The following FKTN variants were observed in gnomAD, a reference collection of about 807,000 sequenced individuals.
FKTN encodes fukutin.
In FKTN, 47 loss-of-function variants were observed where a neutral mutation model predicts 58.6. The ratio of observed to expected loss-of-function variants is 0.80; its 90% confidence interval spans 0.63 to 1.02. The LOEUF is 1.02. FKTN is among the 50% of genes least tolerant of loss of function. The pLI, the probability that FKTN is intolerant of heterozygous loss-of-function variation, is 0.00. For missense variants in FKTN, 516 were observed against 537.3 expected (o/e 0.96, Z 0.39); for synonymous variants, 178 against 191.9 (o/e 0.93, Z 0.60).
intron 1 of FKTN, among the ~76,000 whole-genome samples, chr9:105,558,821 A>C (rs1162911403): frequency 6.6e-6 from 1 of 152,210 alleles, no homozygotes; most frequent in Non-Finnish European, 1.5e-5. Context: ...TCTGAGGATA[A>C]ATAGGGTTTG....
chr9:105,567,158 A>G (rs145751474), intron 1 of FKTN, among the ~76,000 whole-genome samples: 1,630 of 152,340 alleles, frequency 0.011, 16 homozygotes, highest in Non-Finnish European at 0.015. Context: ...CAAAATAATA[A>G]GAGCCGTTTA....
chr9:105,615,719 C>T (rs1424489825), intron 8 of FKTN, among the ~76,000 whole-genome samples: 2 of 152,168 alleles, frequency 1.3e-5, no homozygotes. Flanking sequence ...TCCAAGACCA[C>T]CAGTGGATGC....
At chr9:105,572,242 A>T (rs573222992) in intron 1 of FKTN, among the ~76,000 whole-genome samples, 8 of 151,638 alleles carry the variant, frequency 5.3e-5, no homozygotes, top group African/African-American at 1.7e-4. Context: ...ATATATATAT[A>T]TATATATATT....
intron 3 of FKTN, among the ~76,000 whole-genome samples, chr9:105,591,943 T>C (rs528170513): frequency 1.3e-5 from 2 of 152,322 alleles, no homozygotes; most frequent in South Asian, 4.1e-4. Context: ...GCTATACCTG[T>C]GCCCCCTTGA....
At chr9:105,620,775 A>ATAG (rs58977246) in intron 10 of FKTN, among the ~76,000 whole-genome samples, 21,673 of 145,262 alleles carry the variant, frequency 0.15, 1,728 homozygotes, top group African/African-American at 0.22. Context: ...TAATACTACT[A>ATAG]TAGTAGTAGT....
chr9:105,581,903 A>G (rs1348886377), intron 3 of FKTN, among the ~76,000 whole-genome samples: 2 of 152,084 alleles, frequency 1.3e-5, no homozygotes, highest in African/African-American at 2.4e-5. Context: ...GAAAAGCGCA[A>G]TATTCGGGTG....
intron 3 of FKTN, among the ~76,000 whole-genome samples, chr9:105,578,241 T>A (rs1174082907): frequency 2.7e-5 from 4 of 149,950 alleles, no homozygotes; most frequent in South Asian, 2.2e-4. Context: ...CATCCCTGTC[T>A]TGTGCCAGTT....
chr9:105,637,104 T>C lies in FKTN; in HGVS notation c.*1840T>C, dbSNP rs1588324194. The C allele has an allele frequency of 1.0e-6, 1 of 987,162 alleles. No homozygotes were observed. The highest frequency in any genetic ancestry group is 1.2e-6 in the Non-Finnish European group (1 of 830,334). The allele number at this position is 987,162 out of a possible 1,614,324, so 61.2% of individuals were successfully genotyped here. ...TAAATAGCTGACCCTAAATTCATTT[T>C]TCATGCTTAAAAATAATAGAACAAA... On this transcript the variant is annotated 3_prime_UTR_variant, in exon 11 of 11. Coordinates refer to ENST00000357998, the MANE Select transcript of FKTN (RefSeq NM_001079802.2).
At chr9:105,618,900 A>C (rs1409650360) in intron 9 of FKTN, among the ~76,000 whole-genome samples, 1 of 152,136 alleles carries the variant, frequency 6.6e-6, no homozygotes, top group Non-Finnish European at 1.5e-5. Context: ...TACTAAAAAT[A>C]CAAAAAAAAT....
At chr9:105,610,513 T>C (rs949842553) in intron 7 of FKTN, among the ~76,000 whole-genome samples, 10 of 152,042 alleles carry the variant, frequency 6.6e-5, no homozygotes, top group Non-Finnish European at 1.3e-4. Context: ...TCTCCCTGTA[T>C]GTAACCTATC....
At position 105,602,429 on chromosome 9, in the gene FKTN, C is replaced by T. The variant is rs543341024; in HGVS notation, c.369+1081C>T. Among the ~76,000 whole-genome samples, 8 of 152,316 alleles carry T rather than the reference C, an allele frequency of 5.3e-5. 1 individual carries two copies. Among genetic ancestry groups the T allele is most frequent in the South Asian group, 2.1e-4 (1 of 4,832 alleles). ...CTATTTTAGAAGAAGGGGAGTATGC[C>T]ACCATTGGCAAAACTGATACTACCA... is the stretch of plus-strand genomic sequence containing the variant. On this transcript the variant is annotated intron_variant, in intron 5 of 10. Transcript: ENST00000357998.
chr9:105,587,633 C>A lies in FKTN; in HGVS notation c.106-8965C>A, dbSNP rs572502467. ...TTTAATAAATACTACTGCCCCACTTCTTCTATCACCCTCTCACTCCTGCTA... is the reference window on the plus strand; with the variant it reads ...TTTAATAAATACTACTGCCCCACTTATTCTATCACCCTCTCACTCCTGCTA... On this transcript the variant is annotated intron_variant, in intron 3 of 10. Transcript: ENST00000357998. Among the ~76,000 whole-genome samples the A allele has an allele frequency of 8.5e-5, 13 of 152,288 alleles. No individual in the cohort carries two copies. The East Asian group carries it at 2.5e-3, about 29-fold the overall frequency.
At chr9:105,628,010 A>T (rs1233672808) in intron 10 of FKTN, among the ~76,000 whole-genome samples, 1 of 152,208 alleles carries the variant, frequency 6.6e-6, no homozygotes, top group Non-Finnish European at 1.5e-5. Context: ...AGTTGTTTTC[A>T]ATCATTCTGC....
intron 10 of FKTN, among the ~76,000 whole-genome samples, chr9:105,630,622 AT>A (rs1026025229): frequency 2.0e-5 from 3 of 152,192 alleles, no homozygotes; most frequent in Non-Finnish European, 2.9e-5. Flanking sequence ...ACCAAAAAAA[AT>A]TTTTTAAGGG....
At chr9:105,610,801 CT>C (rs1185262944) in intron 7 of FKTN, among the ~76,000 whole-genome samples, 1 of 152,034 alleles carries the variant, frequency 6.6e-6, no homozygotes, top group Non-Finnish European at 1.5e-5. Flanking sequence ...GCACAAAAAC[CT>C]TTCTTGCTCT....
chr9:105,620,817 G>GTAGTAGTAGTAGTAA (rs1188483734), intron 10 of FKTN, among the ~76,000 whole-genome samples: 7 of 150,600 alleles, frequency 4.6e-5, no homozygotes, highest in African/African-American at 1.7e-4. Flanking sequence ...AGTAGTAGTA[G>GTAGTAGTAGTAGTAA]TAGTAAAGAA....
intron 6 of FKTN, among the ~76,000 whole-genome samples, chr9:105,605,614 A>C (rs1018268911): frequency 6.6e-6 from 1 of 152,178 alleles, no homozygotes; most frequent in Non-Finnish European, 1.5e-5. Context: ...GGAGATCATT[A>C]TATTAAGTGA....
Position 105,639,949 on chromosome 9 carries a change from T to G in FKTN, c.*4685T>G, listed in dbSNP as rs1223871383. On this transcript the variant is annotated 3_prime_UTR_variant, in exon 11 of 11. Coordinates refer to ENST00000357998, the MANE Select transcript of FKTN (RefSeq NM_001079802.2). Reference sequence around the variant, plus strand: ...ACCTCCTTGTTAGTGAAATTAGATATAAGCCATGATTTGGAGAGGGAAGAA... The same window carrying G: ...ACCTCCTTGTTAGTGAAATTAGATAGAAGCCATGATTTGGAGAGGGAAGAA... The G allele has an allele frequency of 1.4e-6, 2 of 1,480,384 alleles. No individual in the cohort carries two copies. The highest frequency in any genetic ancestry group is 8.9e-7 in the Non-Finnish European group (1 of 1,120,452). The allele number at this position is 1,480,384 out of a possible 1,614,324, so 91.7% of individuals were successfully genotyped here.
rs1834364552 is a variant in FKTN at position 105,640,671 on chromosome 9, T to C, written c.*5407T>C. ...AATACAGAGATTTTGTAGGGACCCATTAACAAGCTCCTATATAATTATAAG... is the reference window on the plus strand; with the variant it reads ...AATACAGAGATTTTGTAGGGACCCACTAACAAGCTCCTATATAATTATAAG... On this transcript the variant is annotated 3_prime_UTR_variant, in exon 11 of 11. Transcript: ENST00000357998. 1 of 152,102 alleles carries C rather than the reference T, an allele frequency of 6.6e-6. No individual in the cohort carries two copies. The highest frequency in any genetic ancestry group is 2.4e-5 in the African/African-American group (1 of 41,408). 9.4% of individuals were successfully genotyped at this position (152,102 alleles called of 1,614,324 possible).
Sources: allele counts gnomAD v4.1 joint callset (sites outside exome capture counted in the v4.1 genomes callset), GRCh38; gene constraint gnomAD v4.1.1; transcripts MANE v1.5; gene names NCBI Gene and HGNC (gene_info 2026-07-23, HGNC 2026-07-21).